Variants in EGFL6 observed in about 807,000 individuals in gnomAD.
EGFL6 encodes the protein epidermal growth factor-like protein 6.
EGFL6 carries 42 observed loss-of-function variants against 43.1 expected under a neutral mutation model. The ratio of observed to expected loss-of-function variants is 0.98; its 90% CI spans 0.76 to 1.26. The LOEUF (loss-of-function observed/expected upper bound fraction) is 1.26, where lower values mean the gene tolerates loss of function less well. Among genes scored for constraint, EGFL6 ranks in the 50% most tolerant of loss-of-function variants. EGFL6 has a pLI of 0.00. For missense variants in EGFL6, 429 were observed against 427.8 expected (o/e 1.00, Z -0.02); for synonymous variants, 164 against 163.2 (o/e 1.01, Z -0.04).
At chrX:13,594,743 T>A in intron 2 of EGFL6, 93 bp from the exon 3 acceptor site, 4 of 742,883 alleles carry the variant, frequency 5.4e-6, no homozygotes, top group Non-Finnish European at 8.1e-6. Context: ...CCCCATGGAG[T>A]TCTCTGCCAC....
chrX:13,618,245 T>C (rs1378710921), intron 8 of EGFL6, among the ~76,000 whole-genome samples, 192 bp downstream of exon 8: 2 of 112,066 alleles, frequency 1.8e-5, no homozygotes, highest in Non-Finnish European at 3.8e-5. Flanking sequence ...CCTGCTGCTC[T>C]AGGAACCAAG....
chrX:13,578,352 A>C (rs1164584615), intron 1 of EGFL6, among the ~76,000 whole-genome samples: 2 of 107,825 alleles, frequency 1.9e-5, no homozygotes, highest in Non-Finnish European at 3.8e-5. Flanking sequence ...TAGTTCAACC[A>C]TTGTGGAAGT....
At chrX:13,623,978 C>G (rs1481225903) in intron 10 of EGFL6, 53 bp downstream of exon 10, 1 of 979,022 alleles carries the variant, frequency 1.0e-6, no homozygotes, top group Non-Finnish European at 1.4e-6. Flanking sequence ...GGATAGAAAG[C>G]CCTCCATGAG....
chrX:13,618,139 C>T, intron 8 of EGFL6, 86 bp downstream of exon 8: 1 of 970,438 alleles, frequency 1.0e-6, no homozygotes, highest in Non-Finnish European at 1.4e-6. Context: ...AAGCCGGTTT[C>T]ACAGCTTAAG....
At chrX:13,621,196 G>GTGT (rs2045746716) in intron 9 of EGFL6, among the ~76,000 whole-genome samples, 1 of 112,582 alleles carries the variant, frequency 8.9e-6, no homozygotes, top group Admixed American at 9.4e-5. Flanking sequence ...GTGGTTGGGG[G>GTGT]TGTGCATAAG....
chrX:13,619,343 T>C (rs956822500), intron 9 of EGFL6, 100 bp downstream of exon 9: 1 of 742,499 alleles, frequency 1.3e-6, no homozygotes, highest in African/African-American at 2.1e-5. Flanking sequence ...CCCTGCTTCA[T>C]TCGTAAACCC....
Position 13,569,906 on chromosome X carries a change from G to A in EGFL6, c.45G>A (p.Trp15Ter). The A allele has an allele frequency of 1.7e-6, 2 of 1,211,927 alleles. No individual in the cohort carries two copies. Among genetic ancestry groups the A allele is most frequent in the Non-Finnish European group, 2.2e-6 (2 of 895,353 alleles). The change falls in exon 1 of 12, where the codon TGG becomes TGA. Residue 15 changes from tryptophan (W) to a stop codon, truncating the protein, a stop_gained. Transcript: ENST00000361306. LOFTEE classifies it high-confidence loss of function. The part of the protein sequence containing the change: ...WSLALPLLLS[W>*]VAGGFGNAAS... ...TTGCGCTCCCGCTGCTGCTCTCCTG[G>A]GTGGCAGGTGGTTTCGGGAACGCGG... is the stretch of plus-strand genomic sequence containing the variant.
intron 7 of EGFL6, among the ~76,000 whole-genome samples, chrX:13,610,074 T>C (rs1417813344): frequency 4.5e-5 from 5 of 111,868 alleles, no homozygotes; most frequent in Admixed American, 2.9e-4. Context: ...AGGTTCACAG[T>C]ACCCCAGTGG....
At chrX:13,631,168 T>C (rs1244785252) in intron 11 of EGFL6, among the ~76,000 whole-genome samples, 2 of 112,372 alleles carry the variant, frequency 1.8e-5, no homozygotes, top group Non-Finnish European at 3.8e-5. Flanking sequence ...GAATACCATG[T>C]TCCAAATGAA....
chrX:13,576,787 A>G (rs1478496154), intron 1 of EGFL6, among the ~76,000 whole-genome samples: 2 of 111,809 alleles, frequency 1.8e-5, no homozygotes, highest in East Asian at 5.6e-4. Context: ...ATAGATTGTT[A>G]AATGATTTGC....
At position 13,594,769 on chromosome X, in the gene EGFL6, GT is replaced by G. The variant is rs1301488682; in HGVS notation, c.188-63del. On this transcript the variant is annotated intron_variant, in intron 2 of 11. Coordinates refer to ENST00000361306, the MANE Select transcript of EGFL6 (RefSeq NM_015507.4). ...TCTCTGCCACACAGAACGCAGCGAA[GT>G]TTTGCGTGCATTTCACTACACTAAC... The G allele has an allele frequency of 5.7e-6, 6 of 1,055,687 alleles. No individual in the cohort carries two copies. In the African/African-American group the frequency reaches 1.1e-4, roughly 19 times the overall value. 87.0% of individuals were successfully genotyped at this position (1,055,687 alleles called of 1,213,427 possible). A position where few individuals can be genotyped will look rare whatever the true frequency, so the allele number is the denominator to read the frequency against.
chrX:13,576,840 G>A (rs962942633), intron 1 of EGFL6, among the ~76,000 whole-genome samples: 3 of 111,627 alleles, frequency 2.7e-5, no homozygotes, highest in Non-Finnish European at 5.6e-5. Flanking sequence ...AAAAGCCATG[G>A]TGTTTCCCAA....
intron 1 of EGFL6, among the ~76,000 whole-genome samples, chrX:13,570,477 T>A (rs753884695): frequency 2.7e-5 from 3 of 111,648 alleles, no homozygotes; most frequent in Non-Finnish European, 5.7e-5. Flanking sequence ...CTGATTAGGG[T>A]TGATGAACTG....
At chrX:13,578,792 GC>G (rs2045489567) in intron 1 of EGFL6, among the ~76,000 whole-genome samples, 1 of 106,762 alleles carries the variant, frequency 9.4e-6, no homozygotes, top group Non-Finnish European at 1.9e-5. Context: ...GGTGGGGGCA[GC>G]GGGGAGGGAT....
At chrX:13,576,684 A>G (rs1242393473) in intron 1 of EGFL6, among the ~76,000 whole-genome samples, 1 of 111,893 alleles carries the variant, frequency 8.9e-6, no homozygotes, top group Non-Finnish European at 1.9e-5. Context: ...GAAGGGGAGA[A>G]CAGAGATTGA....
intron 7 of EGFL6, among the ~76,000 whole-genome samples, chrX:13,616,603 T>A (rs1226249263): frequency 5.6e-5 from 6 of 106,203 alleles, no homozygotes; most frequent in African/African-American, 1.7e-4. Flanking sequence ...AGAGTGAAAC[T>A]CTGTCTCAAA....
intron 3 of EGFL6, among the ~76,000 whole-genome samples, chrX:13,597,589 G>T (rs547477188): frequency 8.9e-6 from 1 of 111,737 alleles, no homozygotes; most frequent in Admixed American, 9.5e-5. Context: ...TTTGAGACCA[G>T]CCTGGCCAAC....
rs1453976349 is a variant in EGFL6, at chrX:13,627,102, A to G, written c.1377A>G (p.Gln459=). 2.5e-6 allele frequency: 3 copies of G among 1,210,626 alleles called. No individual in the cohort carries two copies. The highest frequency in any genetic ancestry group is 3.0e-5 in the East Asian group (1 of 33,810). The stretch of plus-strand genomic sequence containing the variant: ...TTCTCCTACCTGACCTGCAACCCCA[A>G]AGCAACTTCTGTTTGCTCTTTGATT... ...LKLLLPDLQP[Q]SNFCLLFDYR... is the part of the protein sequence containing the mutation. The change falls in exon 11 of 12, where the codon CAA becomes CAG. Residue 459 remains glutamine (Q), a synonymous_variant. Transcript: ENST00000361306.
chrX:13,582,765 G>A (rs769105020), intron 1 of EGFL6, among the ~76,000 whole-genome samples: 2 of 111,530 alleles, frequency 1.8e-5, no homozygotes, highest in African/African-American at 3.3e-5. Context: ...TCTGGTAACT[G>A]TCTCCTGTTA....
Sources: gnomAD v4.1 joint callset for allele counts (sites outside exome capture counted in the v4.1 genomes callset) on GRCh38, gnomAD v4.1.1 for gene constraint, MANE v1.5 for transcripts, NCBI Gene and HGNC (gene_info 2026-07-23, HGNC 2026-07-21) for gene names.